ANKFN1: variants seen among roughly 807,000 people sequenced by gnomAD.
ANKFN1 encodes ankyrin repeat and fibronectin type III domain containing 1.
A neutral mutation model predicts 108.7 loss-of-function variants in ANKFN1; 74 were observed. The observed-to-expected ratio is 0.68, with a 90% confidence interval of 0.56 to 0.83. The LOEUF (loss-of-function observed/expected upper bound fraction) is 0.83, where lower values mean the gene tolerates loss of function less well. Among genes scored for constraint, ANKFN1 ranks in the 40% least tolerant of loss-of-function variants. ANKFN1 has a pLI of 0.00. For missense variants in ANKFN1, 1,505 were observed against 1,382.3 expected (o/e 1.09, Z -1.41); for synonymous variants, 547 against 516.2 (o/e 1.06, Z -0.81).
intron 4 of ANKFN1, among the ~76,000 whole-genome samples, chr17:56,128,231 G>GC (rs1907053645): frequency 1.6e-5 from 2 of 127,244 alleles, no homozygotes; most frequent in Non-Finnish European, 3.5e-5. Context: ...GAAGCCAATA[G>GC]CCCTTTTTTT....
At chr17:56,120,206 G>C (rs1313470677) in intron 4 of ANKFN1, among the ~76,000 whole-genome samples, 2 of 152,032 alleles carry the variant, frequency 1.3e-5, no homozygotes, top group Non-Finnish European at 2.9e-5. Context: ...TTCCATAAAA[G>C]GGAGTTCCCC....
intron 3 of ANKFN1, among the ~76,000 whole-genome samples, chr17:56,310,522 C>T (rs1035817376): frequency 1.3e-5 from 2 of 151,332 alleles, no homozygotes; most frequent in Non-Finnish European, 1.5e-5. Context: ...GAGGCTGAGG[C>T]AGGAGAATGG....
intron 19 of ANKFN1, among the ~76,000 whole-genome samples, chr17:56,493,436 CA>C (rs1483358640): frequency 6.6e-6 from 1 of 152,018 alleles, no homozygotes; most frequent in Non-Finnish European, 1.5e-5. Flanking sequence ...AAAGTATAAA[CA>C]GATGAGGCAG....
chr17:56,137,068 G>A (rs1233014541), intron 4 of ANKFN1, among the ~76,000 whole-genome samples: 1 of 152,166 alleles, frequency 6.6e-6, no homozygotes, highest in Non-Finnish European at 1.5e-5. Flanking sequence ...CACAGATGAG[G>A]CAGACACAGC....
intron 18 of ANKFN1, among the ~76,000 whole-genome samples, chr17:56,487,374 G>A (rs2050888760): frequency 6.6e-6 from 1 of 152,108 alleles, no homozygotes; most frequent in Non-Finnish European, 1.5e-5. Flanking sequence ...CAGGTGACGT[G>A]GCCCCTTGAG....
chr17:56,230,264 C>CTAA (rs965407181), intron 3 of ANKFN1, among the ~76,000 whole-genome samples: 2 of 152,074 alleles, frequency 1.3e-5, no homozygotes, highest in African/African-American at 4.8e-5. Flanking sequence ...AATCAAAAGG[C>CTAA]TAATGGCTAA....
chr17:56,138,433 T>C (rs1360976868), intron 4 of ANKFN1, among the ~76,000 whole-genome samples: 3 of 152,096 alleles, frequency 2.0e-5, no homozygotes, highest in African/African-American at 4.8e-5. Flanking sequence ...GCAGAGTGGG[T>C]GCTTGAACAG....
rs80162946 is a variant in ANKFN1 at position 56,515,153 on chromosome 17, G to T, written c.*3884G>T. 6.6e-6 allele frequency among the ~76,000 whole-genome samples: 1 copy of T among 152,094 alleles called. No homozygotes were observed. Among genetic ancestry groups the T allele is most frequent in the East Asian group, 1.9e-4 (1 of 5,158 alleles). On this transcript the variant is annotated 3_prime_UTR_variant, in exon 21 of 21. Coordinates refer to ENST00000682825, the MANE Select transcript of ANKFN1 (RefSeq NM_001370326.1). ...ATGTCAACAAGACACAGAATTCACTGGCTTCTGAAAATGTACACATGTTAG... is the reference window on the plus strand; with the variant it reads ...ATGTCAACAAGACACAGAATTCACTTGCTTCTGAAAATGTACACATGTTAG...
intron 1 of ANKFN1, among the ~76,000 whole-genome samples, chr17:56,185,174 G>A (rs1166940273): frequency 6.6e-6 from 1 of 152,038 alleles, no homozygotes. Context: ...GGTGTTATAT[G>A]GTACATATAT....
At chr17:56,486,458 C>G (rs1053687485) in intron 18 of ANKFN1, among the ~76,000 whole-genome samples, 1 of 152,192 alleles carries the variant, frequency 6.6e-6, no homozygotes, top group Non-Finnish European at 1.5e-5. Flanking sequence ...CAATAAGAAT[C>G]ATGACAAACT....
At chr17:56,325,232 G>C (rs1325090859) in intron 3 of ANKFN1, among the ~76,000 whole-genome samples, 1 of 151,606 alleles carries the variant, frequency 6.6e-6, no homozygotes, top group Non-Finnish European at 1.5e-5. Context: ...CAGAGCTTTA[G>C]AAAGATTCTT....
intron 8 of ANKFN1, among the ~76,000 whole-genome samples, chr17:56,389,994 A>G (rs1598509696): frequency 6.6e-6 from 1 of 151,998 alleles, no homozygotes; most frequent in Non-Finnish European, 1.5e-5. Flanking sequence ...CTTTTAAAAG[A>G]CATTTCTTCA....
chr17:56,332,290 G>T (rs1236076161), intron 4 of ANKFN1, among the ~76,000 whole-genome samples: 3 of 152,130 alleles, frequency 2.0e-5, no homozygotes, highest in Admixed American at 1.3e-4. Context: ...CAGGGAACAG[G>T]TGCTTGTGAA....
At chr17:56,096,809 A>G (rs1187911407) in intron 4 of ANKFN1, among the ~76,000 whole-genome samples, 1 of 152,232 alleles carries the variant, frequency 6.6e-6, no homozygotes, top group Non-Finnish European at 1.5e-5. Context: ...AGACACATGC[A>G]TATGTGTGTT....
chr17:56,116,755 T>C (rs1906306156), intron 4 of ANKFN1, among the ~76,000 whole-genome samples: 1 of 152,158 alleles, frequency 6.6e-6, no homozygotes, highest in Admixed American at 6.6e-5. Context: ...CAGGTATTCC[T>C]TTATAGTAAC....
intron 3 of ANKFN1, among the ~76,000 whole-genome samples, chr17:56,310,915 C>T (rs963835994): frequency 3.3e-5 from 5 of 152,126 alleles, no homozygotes; most frequent in Non-Finnish European, 7.3e-5. Context: ...ACCAACGTCT[C>T]CCCATTTCCT....
intron 4 of ANKFN1, among the ~76,000 whole-genome samples, chr17:56,077,855 C>T (rs1905199149): frequency 6.6e-6 from 1 of 152,156 alleles, no homozygotes; most frequent in Non-Finnish European, 1.5e-5. Context: ...TGTCACTCAT[C>T]CATTAGCTGC....
At chr17:56,179,373 T>C (rs1911468570) in intron 1 of ANKFN1, among the ~76,000 whole-genome samples, 1 of 152,232 alleles carries the variant, frequency 6.6e-6, no homozygotes, top group Non-Finnish European at 1.5e-5. Context: ...CCAGTCATCA[T>C]TGCTCTTTTG....
chr17:56,414,739 G>T (rs1287669639), intron 8 of ANKFN1, among the ~76,000 whole-genome samples: 1 of 152,038 alleles, frequency 6.6e-6, no homozygotes, highest in Non-Finnish European at 1.5e-5. Context: ...CCCTCAAAAG[G>T]CTAGGCATGG....
Sources: gnomAD v4.1 joint callset for allele counts (sites outside exome capture counted in the v4.1 genomes callset) on GRCh38, gnomAD v4.1.1 for gene constraint, MANE v1.5 for transcripts, NCBI Gene and HGNC (gene_info 2026-07-23, HGNC 2026-07-21) for gene names.